The following GAB1 variants were observed in gnomAD, a reference collection of about 807,000 sequenced individuals.
GAB1 encodes GRB2-associated-binding protein 1.
Under a neutral mutation model 66.5 loss-of-function variants are expected in GAB1, and 19 were observed. The observed-to-expected ratio is 0.29, with a 90% CI of 0.20 to 0.42. The LOEUF (loss-of-function observed/expected upper bound fraction) is 0.42. Ranked by LOEUF, GAB1 falls within the 10% of genes least tolerant of loss-of-function variation. GAB1 has a pLI of 1.00. For synonymous variants in GAB1, 294 were observed against 301.4 expected (o/e 0.98, Z 0.25); for missense variants, 732 against 858.5 (o/e 0.85, Z 1.84).
chr4:143,456,946 G>A (rs1000718595), intron 6 of GAB1, among the ~76,000 whole-genome samples: 3 of 152,204 alleles, frequency 2.0e-5, no homozygotes, highest in African/African-American at 7.2e-5. Flanking sequence ...AAAGGAAGAT[G>A]ATGGTAACTG....
At chr4:143,456,480 C>T (rs1404724622) in intron 6 of GAB1, among the ~76,000 whole-genome samples, 1 of 151,202 alleles carries the variant, frequency 6.6e-6, no homozygotes, top group Non-Finnish European at 1.5e-5. Context: ...AAGTTGTCAT[C>T]TTCCTTTGCT....
Position 143,469,102 on chromosome 4 carries a change from G to A in GAB1, c.1998G>A (p.Lys666=), listed in dbSNP as rs1735957666. The A allele has an allele frequency of 6.2e-7, 1 of 1,614,130 alleles. No individual in the cohort carries two copies. ...ATTATGTTGTTGTTGACCAACAGAA[G>A]ACCTTGGCTCTAAAGAGTACCCGGG... ...RVDYVVVDQQ[K]TLALKSTREA... Residue 666 remains lysine, a synonymous_variant, in exon 10 of 10, where the codon AAG becomes AAA. Coordinates refer to ENST00000262994, the MANE Select transcript of GAB1 (RefSeq NM_002039.4).
intron 6 of GAB1, chr4:143,457,822 A>C (rs913576407): frequency 1.5e-5 from 15 of 982,406 alleles, no homozygotes; most frequent in Non-Finnish European, 2.1e-5. Flanking sequence ...TTATTTTGTA[A>C]TGTTTTTTGT....
chr4:143,422,517 GA>G, intron 2 of GAB1, among the ~76,000 whole-genome samples: 1 of 152,252 alleles, frequency 6.6e-6, no homozygotes, highest in East Asian at 1.9e-4. Flanking sequence ...TTACCAATAA[GA>G]AAGAGTAGAA....
intron 1 of GAB1, among the ~76,000 whole-genome samples, chr4:143,371,269 T>C (rs1730110609): frequency 6.6e-6 from 1 of 152,126 alleles, no homozygotes; most frequent in Non-Finnish European, 1.5e-5. Context: ...TATCTCATTG[T>C]GGTTTTGATT....
At chr4:143,374,126 A>G (rs896244237) in intron 1 of GAB1, among the ~76,000 whole-genome samples, 1 of 151,680 alleles carries the variant, frequency 6.6e-6, no homozygotes. Flanking sequence ...GTCGTATTTT[A>G]TAGGATTTTC....
intron 1 of GAB1, 38 bp downstream of exon 1, chr4:143,337,298 C>T (rs1012551809): frequency 4.6e-6 from 7 of 1,521,914 alleles, no homozygotes; most frequent in African/African-American, 2.7e-5. Context: ...CGGGCCTCGG[C>T]GTCCACACCC....
At chr4:143,394,635 CA>C (rs1206086123) in intron 1 of GAB1, among the ~76,000 whole-genome samples, 4 of 152,122 alleles carry the variant, frequency 2.6e-5, no homozygotes, top group African/African-American at 7.2e-5. Flanking sequence ...TCATCATCAT[CA>C]AACATTTTTT....
At chr4:143,409,098 A>G (rs1329588957) in intron 1 of GAB1, among the ~76,000 whole-genome samples, 1 of 152,190 alleles carries the variant, frequency 6.6e-6, no homozygotes, top group Non-Finnish European at 1.5e-5. Flanking sequence ...TACTTGCGTG[A>G]TGTTGCTGAG....
chr4:143,342,063 GT>G (rs1348456378), intron 1 of GAB1, among the ~76,000 whole-genome samples: 1 of 152,178 alleles, frequency 6.6e-6, no homozygotes, highest in Admixed American at 6.5e-5. Context: ...ACCTTTTCAA[GT>G]GTAGCAAGAA....
intron 7 of GAB1, among the ~76,000 whole-genome samples, chr4:143,459,785 C>G (rs189035351): frequency 1.3e-5 from 2 of 152,154 alleles, no homozygotes; most frequent in East Asian, 3.9e-4. Flanking sequence ...TGTCTATTTT[C>G]ATCTCTAATA....
At chr4:143,393,320 A>G (rs528685578) in intron 1 of GAB1, among the ~76,000 whole-genome samples, 4 of 152,142 alleles carry the variant, frequency 2.6e-5, no homozygotes, top group East Asian at 1.9e-4. Flanking sequence ...GGCCCTTTAC[A>G]AAAAGGTTTG....
At chr4:143,434,932 C>T (rs191637388) in intron 3 of GAB1, among the ~76,000 whole-genome samples, 315 of 152,246 alleles carry the variant, frequency 2.1e-3, no homozygotes, top group Non-Finnish European at 3.1e-3. Flanking sequence ...CAATCTCTGC[C>T]ATTAGTAGCT....
At chr4:143,436,553 C>G (rs1733950842) in intron 3 of GAB1, among the ~76,000 whole-genome samples, 1 of 149,608 alleles carries the variant, frequency 6.7e-6, no homozygotes, top group Non-Finnish European at 1.5e-5. Flanking sequence ...GGATGGGGAC[C>G]TGAACTTGGG....
chr4:143,452,750 G>A (rs1040621222), intron 6 of GAB1, among the ~76,000 whole-genome samples: 1 of 152,170 alleles, frequency 6.6e-6, no homozygotes, highest in African/African-American at 2.4e-5. Flanking sequence ...AATTTCCCCA[G>A]TAGTCAGTGC....
At chr4:143,397,575 G>A (rs1271331753) in intron 1 of GAB1, among the ~76,000 whole-genome samples, 1 of 152,256 alleles carries the variant, frequency 6.6e-6, no homozygotes, top group East Asian at 1.9e-4. Context: ...ATATCATAAT[G>A]TTAGTGTATT....
At chr4:143,439,378 A>T (rs1253827968) in intron 4 of GAB1, among the ~76,000 whole-genome samples, 1 of 152,212 alleles carries the variant, frequency 6.6e-6, no homozygotes, top group Non-Finnish European at 1.5e-5. Flanking sequence ...TGTATCTGTG[A>T]TTATTACTTA....
chr4:143,451,135 G>A (rs1043290492), intron 6 of GAB1, among the ~76,000 whole-genome samples: 1 of 152,142 alleles, frequency 6.6e-6, no homozygotes, highest in African/African-American at 2.4e-5. Flanking sequence ...ACCGTGGAAG[G>A]GGCTGTGGTT....
At chr4:143,459,268 T>C in intron 6 of GAB1, 117 bp from the exon 7 acceptor site, 1 of 674,592 alleles carries the variant, frequency 1.5e-6, no homozygotes, top group African/African-American at 1.8e-5. Context: ...CATGTGAAAC[T>C]AGGTGGTCTT....
Sources: gnomAD v4.1 joint callset for allele counts (sites outside exome capture counted in the v4.1 genomes callset) on GRCh38, gnomAD v4.1.1 for gene constraint, MANE v1.5 for transcripts, NCBI Gene and HGNC (gene_info 2026-07-23, HGNC 2026-07-21) for gene names.